Variants in PTPRG observed in about 807,000 individuals in gnomAD.
PTPRG encodes receptor-type tyrosine-protein phosphatase gamma.
Under a neutral mutation model 165.3 loss-of-function variants are expected in PTPRG, and 102 were observed. That is an observed-to-expected ratio of 0.62 (90% CI 0.53 to 0.73). The LOEUF (loss-of-function observed/expected upper bound fraction) is 0.73. Among genes scored for constraint, PTPRG ranks in the 30% least tolerant of loss-of-function variants. The pLI, the probability that PTPRG is intolerant of heterozygous loss-of-function variation, is 0.00. For missense variants in PTPRG, 1,866 were observed against 1,861.4 expected, an observed-to-expected ratio of 1.00 and a Z score of -0.05; for synonymous variants, 675 against 669.5, an observed-to-expected ratio of 1.01 and a Z score of -0.13.
chr3:61,882,610 T>G (rs559851243), intron 2 of PTPRG, among the ~76,000 whole-genome samples: 1 of 152,330 alleles, frequency 6.6e-6, no homozygotes, highest in South Asian at 2.1e-4. Context: ...ATGTCAAAAG[T>G]GATGTCTTAG....
chr3:61,789,877 A>C (rs2034818566), intron 2 of PTPRG, among the ~76,000 whole-genome samples: 1 of 152,230 alleles, frequency 6.6e-6, no homozygotes, highest in South Asian at 2.1e-4. Context: ...CTAGTCCTCT[A>C]ATCTGGGGAC....
At chr3:62,038,688 G>C (rs939595418) in intron 4 of PTPRG, among the ~76,000 whole-genome samples, 1 of 152,140 alleles carries the variant, frequency 6.6e-6, no homozygotes, top group Non-Finnish European at 1.5e-5. Flanking sequence ...CAGACACCTT[G>C]CCCGGCCATG....
chr3:62,160,034 A>G (rs1164272414), intron 7 of PTPRG, among the ~76,000 whole-genome samples: 1 of 152,258 alleles, frequency 6.6e-6, no homozygotes, highest in Admixed American at 6.5e-5. Context: ...GGAAAAGCCA[A>G]GTAGTCAGGA....
At chr3:61,589,007 T>A (rs1013063914) in intron 1 of PTPRG, among the ~76,000 whole-genome samples, 5 of 152,270 alleles carry the variant, frequency 3.3e-5, no homozygotes, top group African/African-American at 1.2e-4. Flanking sequence ...CAGCAAATCA[T>A]AGCCTGGGAC....
intron 1 of PTPRG, among the ~76,000 whole-genome samples, chr3:61,606,990 A>G (rs932195758): frequency 6.6e-5 from 10 of 152,198 alleles, no homozygotes; most frequent in Non-Finnish European, 7.3e-5. Context: ...TGACGTCCCC[A>G]CCTACGTGAT....
chr3:61,885,383 C>G (rs889912157), intron 2 of PTPRG, among the ~76,000 whole-genome samples: 12 of 151,230 alleles, frequency 7.9e-5, no homozygotes, highest in African/African-American at 2.7e-4. Context: ...CTTCTGCCCC[C>G]AAGAGCTAGC....
chr3:62,100,503 T>C (rs1702253401), intron 5 of PTPRG, among the ~76,000 whole-genome samples: 1 of 152,170 alleles, frequency 6.6e-6, no homozygotes, highest in South Asian at 2.1e-4. Context: ...AGGGGCTTTC[T>C]TCACCATGGA....
chr3:61,735,027 A>C (rs2032665968), intron 1 of PTPRG, among the ~76,000 whole-genome samples: 1 of 152,208 alleles, frequency 6.6e-6, no homozygotes, highest in Non-Finnish European at 1.5e-5. Flanking sequence ...AAAGGAAACA[A>C]ACCCCACTTT....
intron 2 of PTPRG, among the ~76,000 whole-genome samples, chr3:61,825,158 G>A (rs750865501): frequency 2.6e-5 from 4 of 152,206 alleles, no homozygotes; most frequent in African/African-American, 9.6e-5. Flanking sequence ...AAGTCACAAA[G>A]CCTGAAGAAA....
intron 1 of PTPRG, among the ~76,000 whole-genome samples, chr3:61,581,706 T>G (rs936653093): frequency 1.3e-5 from 2 of 150,266 alleles, no homozygotes; most frequent in African/African-American, 4.9e-5. Context: ...GCTTCCCAGG[T>G]TCAAGTGATT....
chr3:61,835,388 C>T (rs2036427622), intron 2 of PTPRG, among the ~76,000 whole-genome samples: 1 of 152,116 alleles, frequency 6.6e-6, no homozygotes, highest in Non-Finnish European at 1.5e-5. Flanking sequence ...GGCTGGAGTG[C>T]AGTGGTGCGA....
intron 2 of PTPRG, among the ~76,000 whole-genome samples, chr3:61,916,653 T>C (rs2038944101): frequency 6.6e-6 from 1 of 152,206 alleles, no homozygotes; most frequent in South Asian, 2.1e-4. Flanking sequence ...TTAATCATTA[T>C]ATGTTTTTAA....
chr3:62,045,952 C>T (rs1700275506), intron 4 of PTPRG, among the ~76,000 whole-genome samples: 1 of 152,242 alleles, frequency 6.6e-6, no homozygotes, highest in Non-Finnish European at 1.5e-5. Flanking sequence ...GACAGTGCTC[C>T]AGCAGGGGCA....
intron 2 of PTPRG, among the ~76,000 whole-genome samples, chr3:61,802,864 G>C (rs2035290747): frequency 6.6e-6 from 1 of 152,146 alleles, no homozygotes; most frequent in African/African-American, 2.4e-5. Flanking sequence ...TTCAAGTTCA[G>C]ATCTGTGCAA....
At chr3:61,722,756 A>G (rs74722244) in intron 1 of PTPRG, among the ~76,000 whole-genome samples, 3,016 of 152,302 alleles carry the variant, frequency 0.02, 40 homozygotes, top group South Asian at 0.039. Flanking sequence ...TTTTGGTTAA[A>G]TTTTTAAACT....
intron 1 of PTPRG, among the ~76,000 whole-genome samples, chr3:61,614,028 T>C (rs916835499): frequency 4.6e-5 from 7 of 152,192 alleles, no homozygotes; most frequent in Admixed American, 2.0e-4. Flanking sequence ...GGTTAAAATA[T>C]GGTGGTAGCC....
In PTPRG at chr3:62,293,316, C is replaced by T. The variant is rs772600524; in HGVS notation, c.*9C>T. On this transcript the variant is annotated 3_prime_UTR_variant, in exon 30 of 30. Transcript: ENST00000474889. ...TGGAGTCCCTAGTGTGACTGGAATC[C>T]TGAAAGGGCACTTAATTTGTAAACT... 27 of 1,541,096 alleles carry T rather than the reference C, an allele frequency of 1.8e-5. No individual in the cohort carries two copies. In the African/African-American group the frequency reaches 3.5e-4, roughly 20 times the overall value.
chr3:61,759,579 C>T (rs1431977693), intron 2 of PTPRG, among the ~76,000 whole-genome samples: 1 of 152,138 alleles, frequency 6.6e-6, no homozygotes, highest in African/African-American at 2.4e-5. Flanking sequence ...ATCGCCTGAA[C>T]CCAGTCAAGG....
chr3:61,998,715 G>A (rs374238740), intron 3 of PTPRG, among the ~76,000 whole-genome samples: 21 of 152,294 alleles, frequency 1.4e-4, no homozygotes, highest in African/African-American at 5.1e-4. Context: ...TGAATTTGAA[G>A]CTTCCAGCTT....
Sources: gnomAD v4.1 joint callset for allele counts (sites outside exome capture counted in the v4.1 genomes callset) on GRCh38, gnomAD v4.1.1 for gene constraint, MANE v1.5 for transcripts, NCBI Gene and HGNC (gene_info 2026-07-23, HGNC 2026-07-21) for gene names.